RNGTT: variants seen among roughly 807,000 people sequenced by gnomAD.
RNGTT encodes RNA guanylyltransferase and 5'-phosphatase.
In RNGTT, 33 loss-of-function variants were observed where a neutral mutation model predicts 79.3. The ratio of observed to expected loss-of-function variants is 0.42; its 90% CI spans 0.32 to 0.56. The LOEUF (loss-of-function observed/expected upper bound fraction) is 0.56, where lower values mean the gene tolerates loss of function less well. Ranked by LOEUF, RNGTT falls within the 20% of genes least tolerant of loss-of-function variation. The probability of loss-of-function intolerance (pLI) is 0.17; values close to 1 mark genes in which losing one functional copy is unlikely to be tolerated. For synonymous variants in RNGTT, 222 were observed against 235.9 expected (o/e 0.94, Z 0.54); for missense variants, 497 against 739.1 (o/e 0.67, Z 3.80).
chr6:88,690,522 T>A (rs1775440519), intron 13 of RNGTT, among the ~76,000 whole-genome samples: 1 of 151,952 alleles, frequency 6.6e-6, no homozygotes, highest in Non-Finnish European at 1.5e-5. Context: ...GCCTGGGCAA[T>A]GTAGCAAGAC....
At chr6:88,621,460 T>C (rs1231297099) in intron 14 of RNGTT, among the ~76,000 whole-genome samples, 1 of 152,118 alleles carries the variant, frequency 6.6e-6, no homozygotes, top group Non-Finnish European at 1.5e-5. Flanking sequence ...GCTAGTATTA[T>C]CTCTAAGCTT....
chr6:88,779,063 T>C (rs1357288539), intron 12 of RNGTT, among the ~76,000 whole-genome samples: 1 of 148,182 alleles, frequency 6.7e-6, no homozygotes, highest in African/African-American at 2.5e-5. Flanking sequence ...TGATAAAATA[T>C]AGTCATTTTC....
chr6:88,757,836 A>T (rs1177163940), intron 13 of RNGTT, among the ~76,000 whole-genome samples: 1 of 152,192 alleles, frequency 6.6e-6, no homozygotes, highest in African/African-American at 2.4e-5. Flanking sequence ...CATGTAGCTA[A>T]ATTTTTTGAA....
intron 11 of RNGTT, among the ~76,000 whole-genome samples, chr6:88,807,497 C>G (rs35330075): frequency 6.6e-5 from 10 of 151,754 alleles, no homozygotes; most frequent in Non-Finnish European, 1.5e-4. Flanking sequence ...AAGAAACGTA[C>G]GTGGCACTTT....
intron 14 of RNGTT, among the ~76,000 whole-genome samples, chr6:88,675,600 G>C (rs1039455414): frequency 2.0e-5 from 3 of 152,000 alleles, no homozygotes; most frequent in African/African-American, 7.3e-5. Flanking sequence ...GTCCTTATTA[G>C]TAGAGAACAA....
intron 14 of RNGTT, among the ~76,000 whole-genome samples, chr6:88,634,797 T>C (rs905093268): frequency 1.3e-5 from 2 of 152,068 alleles, no homozygotes; most frequent in African/African-American, 4.8e-5. Flanking sequence ...GATGAAGTAC[T>C]AGTAAATATT....
chr6:88,644,799 AC>A (rs1773474360), intron 14 of RNGTT, among the ~76,000 whole-genome samples: 2 of 152,242 alleles, frequency 1.3e-5, no homozygotes, highest in African/African-American at 4.8e-5. Flanking sequence ...ACAAAATTCA[AC>A]AGCGCTTCAT....
intron 8 of RNGTT, among the ~76,000 whole-genome samples, chr6:88,858,029 C>A (rs1781894123): frequency 6.6e-6 from 1 of 152,132 alleles, no homozygotes; most frequent in Admixed American, 6.5e-5. Context: ...GATTCTAACC[C>A]TTGTTCTTTG....
chr6:88,721,275 T>C (rs1776701221), intron 13 of RNGTT, among the ~76,000 whole-genome samples: 1 of 152,152 alleles, frequency 6.6e-6, no homozygotes, highest in South Asian at 2.1e-4. Flanking sequence ...TGGGCAATTG[T>C]ACTGATACAT....
chr6:88,810,312 G>A (rs1780096198), intron 11 of RNGTT, among the ~76,000 whole-genome samples: 1 of 152,182 alleles, frequency 6.6e-6, no homozygotes, highest in Admixed American at 6.5e-5. Flanking sequence ...AAATGTCCCA[G>A]CTGCCTTTAA....
intron 14 of RNGTT, among the ~76,000 whole-genome samples, chr6:88,636,928 G>A (rs1023853697): frequency 6.6e-6 from 1 of 151,982 alleles, no homozygotes; most frequent in Non-Finnish European, 1.5e-5. Flanking sequence ...TTTGAAAAAG[G>A]TGGAACTAGA....
At chr6:88,701,674 G>T (rs1775950942) in intron 13 of RNGTT, among the ~76,000 whole-genome samples, 1 of 151,948 alleles carries the variant, frequency 6.6e-6, no homozygotes, top group African/African-American at 2.4e-5. Flanking sequence ...TCTTTTTAAA[G>T]AATGCCATGA....
chr6:88,786,332 TAAAC>T (rs999227068), intron 12 of RNGTT, among the ~76,000 whole-genome samples: 6 of 152,322 alleles, frequency 3.9e-5, no homozygotes, highest in East Asian at 3.8e-4. Flanking sequence ...TAAAAGCTAG[TAAAC>T]AAATAAGATT....
intron 9 of RNGTT, among the ~76,000 whole-genome samples, chr6:88,853,404 C>T (rs1204515956): frequency 6.6e-6 from 1 of 151,368 alleles, no homozygotes; most frequent in Non-Finnish European, 1.5e-5. Flanking sequence ...ACTGGGGAGG[C>T]TAAGGCAGGA....
chr6:88,826,598 A>G (rs1250947775), intron 11 of RNGTT, among the ~76,000 whole-genome samples: 1 of 151,830 alleles, frequency 6.6e-6, no homozygotes, highest in African/African-American at 2.4e-5. Context: ...AGCCTGGCCA[A>G]CATGGAGAAA....
chr6:88,830,507 A>G (rs923153208), intron 11 of RNGTT, among the ~76,000 whole-genome samples: 1 of 152,120 alleles, frequency 6.6e-6, no homozygotes. Flanking sequence ...TAACATCACA[A>G]TTAAAAGAAA....
chr6:88,867,877 C>T (rs186946092), intron 8 of RNGTT, among the ~76,000 whole-genome samples: 4 of 152,292 alleles, frequency 2.6e-5, no homozygotes, highest in Admixed American at 2.0e-4. Flanking sequence ...GTTCACCTAA[C>T]AGTCTTTTAA....
chr6:88,741,153 C>T (rs1047371056), intron 13 of RNGTT, among the ~76,000 whole-genome samples: 17 of 152,258 alleles, frequency 1.1e-4, no homozygotes, highest in African/African-American at 4.1e-4. Flanking sequence ...CTCACTTGTT[C>T]ATCGTGGCAC....
chr6:88,762,680 G>C (rs1323726265), intron 13 of RNGTT, among the ~76,000 whole-genome samples: 1 of 152,082 alleles, frequency 6.6e-6, no homozygotes, highest in Admixed American at 6.6e-5. Context: ...TTAAAAAATA[G>C]TAAATATATA....
Sources: gnomAD v4.1 joint callset for allele counts (sites outside exome capture counted in the v4.1 genomes callset) on GRCh38, gnomAD v4.1.1 for gene constraint, MANE v1.5 for transcripts, NCBI Gene and HGNC (gene_info 2026-07-23, HGNC 2026-07-21) for gene names.